The following TIAM1 variants were observed in gnomAD, a reference collection of about 807,000 sequenced individuals.
TIAM1 encodes the protein TIAM Rac1 associated GEF 1.
TIAM1 carries 65 observed loss-of-function variants against 163.5 expected under a neutral mutation model. The ratio of observed to expected loss-of-function variants is 0.40; its 90% CI spans 0.33 to 0.49. TIAM1 has a LOEUF of 0.49. Among genes scored for constraint, TIAM1 ranks in the 20% least tolerant of loss-of-function variants. The probability of loss-of-function intolerance (pLI) is 0.77; values close to 1 mark genes in which losing one functional copy is unlikely to be tolerated. For missense variants in TIAM1, 1,789 were observed against 2,044.7 expected, an observed-to-expected ratio of 0.87 and a Z score of 2.41; for synonymous variants, 833 against 810.1, an observed-to-expected ratio of 1.03 and a Z score of -0.48.
chr21:31,408,161 T>A (rs941112516), intron 2 of TIAM1, among the ~76,000 whole-genome samples: 1 of 152,244 alleles, frequency 6.6e-6, no homozygotes, highest in Non-Finnish European at 1.5e-5. Context: ...ATTCAGGGTA[T>A]TCTTGAAGCA....
chr21:31,187,288 T>C (rs757571174), intron 13 of TIAM1, among the ~76,000 whole-genome samples: 2 of 152,258 alleles, frequency 1.3e-5, no homozygotes, highest in African/African-American at 2.4e-5. Context: ...TAAAGATTAC[T>C]ATGTACGTCT....
At chr21:31,506,933 A>C (rs1349971863) in intron 1 of TIAM1, among the ~76,000 whole-genome samples, 1 of 151,952 alleles carries the variant, frequency 6.6e-6, no homozygotes, top group Non-Finnish European at 1.5e-5. Flanking sequence ...ACAAACAAAA[A>C]ACTCCCTTCT....
chr21:31,341,471 G>A (rs2076012654), intron 1 of TIAM1, among the ~76,000 whole-genome samples: 1 of 152,172 alleles, frequency 6.6e-6, no homozygotes, highest in Admixed American at 6.5e-5. Context: ...AGTCATTACA[G>A]CAAATTTGTT....
Position 31,129,659 on chromosome 21 carries a change from C to T in TIAM1, c.4045+554G>A, listed in dbSNP as rs545441571. 2.6e-5 allele frequency among the ~76,000 whole-genome samples: 4 copies of T among 152,240 alleles called. No individual in the cohort carries two copies. The South Asian group carries it at 8.3e-4, about 32-fold the overall frequency. On this transcript the variant is annotated intron_variant, in intron 25 of 27. Transcript: ENST00000541036. ...CTCCAGCCTGAGCAATGGAATGAGA[C>T]CCCATCTTTAAAAAAATTAAAATCA...
intron 2 of TIAM1, among the ~76,000 whole-genome samples, chr21:31,312,129 G>A (rs1017504868): frequency 1.3e-5 from 2 of 152,198 alleles, no homozygotes; most frequent in Non-Finnish European, 2.9e-5. Flanking sequence ...TTGGGGACTC[G>A]AACTGGCTTC....
At chr21:31,319,735 G>A (rs1313172809) in intron 2 of TIAM1, among the ~76,000 whole-genome samples, 2 of 139,858 alleles carry the variant, frequency 1.4e-5, no homozygotes, top group South Asian at 2.3e-4. Flanking sequence ...AGCCGAGATC[G>A]CACCACCACA....
intron 19 of TIAM1, among the ~76,000 whole-genome samples, chr21:31,150,290 CA>C (rs1034063894): frequency 6.6e-6 from 1 of 152,054 alleles, no homozygotes; most frequent in African/African-American, 2.4e-5. Context: ...AACACATACA[CA>C]AAAAAACATA....
chr21:31,189,294 AT>A (rs2085448716), intron 13 of TIAM1, among the ~76,000 whole-genome samples: 1 of 151,800 alleles, frequency 6.6e-6, no homozygotes, highest in Non-Finnish European at 1.5e-5. Context: ...ACTTCAAGTG[AT>A]CCACCTGCCT....
At chr21:31,524,778 GT>G (rs1250627303) in intron 1 of TIAM1, among the ~76,000 whole-genome samples, 1 of 152,174 alleles carries the variant, frequency 6.6e-6, no homozygotes, top group Non-Finnish European at 1.5e-5. Flanking sequence ...ATAGCATTTA[GT>G]GTGTGCCTTG....
In TIAM1 at chr21:31,395,055, C is replaced by T. The variant is rs1188966668; in HGVS notation, c.-368-55633G>A. Among the ~76,000 whole-genome samples the T allele has an allele frequency of 6.6e-6, 1 of 151,978 alleles. No individual in the cohort carries two copies. The highest frequency in any genetic ancestry group is 1.5e-5 in the Non-Finnish European group (1 of 67,994). ...AAGTTCAAGACCAGCCTGGCCAACA[C>T]AGTGAAACCCCGTATCTACCAAAAA... On this transcript the variant is annotated intron_variant, in intron 2 of 28. Transcript: ENST00000286827. The surrounding 1 kb of genome is among the most constrained non-coding windows in gnomAD (Gnocchi z 7.5).
intron 2 of TIAM1, among the ~76,000 whole-genome samples, chr21:31,285,249 G>C (rs1328712055): frequency 1.3e-5 from 2 of 152,164 alleles, no homozygotes; most frequent in Non-Finnish European, 2.9e-5. Flanking sequence ...GGCCACTCTG[G>C]AATCAGGGAA....
chr21:31,555,600 C>T (rs774633726), intron 1 of TIAM1, among the ~76,000 whole-genome samples: 17 of 152,068 alleles, frequency 1.1e-4, no homozygotes, highest in Non-Finnish European at 1.9e-4. Context: ...TGGCTTCTCA[C>T]TCCCACTCCT....
chr21:31,447,354 T>C (rs2044665198), intron 2 of TIAM1, among the ~76,000 whole-genome samples: 1 of 152,068 alleles, frequency 6.6e-6, no homozygotes, highest in South Asian at 2.1e-4. Context: ...GAAGACTGCT[T>C]GAGCATAGGA....
intron 8 of TIAM1, among the ~76,000 whole-genome samples, chr21:31,218,855 A>G (rs1042582802): frequency 1.3e-5 from 2 of 152,076 alleles, no homozygotes; most frequent in African/African-American, 4.8e-5. Flanking sequence ...GCAGAATAAC[A>G]AGACAAAAGG....
In TIAM1 at chr21:31,200,461, C is replaced by T. The variant is rs190541551; in HGVS notation, c.2493+2447G>A. On this transcript the variant is annotated intron_variant, in intron 12 of 27. Coordinates refer to ENST00000541036, the MANE Select transcript of TIAM1 (RefSeq NM_001353694.2). ...AGTAGCAGTGCCTGTGACTCCGTCA[C>T]GAATGGAAATCACAGTTATTTTCAT... Among the ~76,000 whole-genome samples, 24 of 152,316 alleles carry T rather than the reference C, an allele frequency of 1.6e-4. 1 individual carries two copies. Among genetic ancestry groups the T allele is most frequent in the Admixed American group, 1.5e-3 (23 of 15,298 alleles).
intron 2 of TIAM1, among the ~76,000 whole-genome samples, chr21:31,320,391 T>C (rs1015959939): frequency 5.3e-5 from 8 of 152,200 alleles, no homozygotes; most frequent in South Asian, 2.1e-4. Flanking sequence ...ATGGTAATGG[T>C]TGTGCAATTG....
At position 31,396,943 on chromosome 21, in the gene TIAM1, C is replaced by T. The variant is rs143274599; in HGVS notation, c.-368-57521G>A. ...CAGCCTGGGCGACAGAGTGAGACTC[C>T]GTCACACACACAAAAAAAATTTAAA... On this transcript the variant is annotated intron_variant, in intron 2 of 28. Transcript: ENST00000286827. 1.1e-3 allele frequency among the ~76,000 whole-genome samples: 171 copies of T among 151,890 alleles called. 1 individual carries two copies. Among genetic ancestry groups the T allele is most frequent in the South Asian group, 5.0e-3 (24 of 4,800 alleles).
chr21:31,558,322 C>T (rs901880853), intron 1 of TIAM1, among the ~76,000 whole-genome samples: 2 of 152,032 alleles, frequency 1.3e-5, no homozygotes, highest in South Asian at 2.1e-4. Context: ...GCTTTTAATG[C>T]CCCCCTCCGG....
chr21:31,481,023 G>A (rs2046093720), intron 1 of TIAM1, among the ~76,000 whole-genome samples: 1 of 152,174 alleles, frequency 6.6e-6, no homozygotes, highest in Admixed American at 6.5e-5. Flanking sequence ...CCAAAGTGCT[G>A]GGATTACAGG....
Sources: allele counts gnomAD v4.1 joint callset (sites outside exome capture counted in the v4.1 genomes callset), GRCh38; gene constraint gnomAD v4.1.1; non-coding constraint Gnocchi (gnomAD v3.1); transcripts MANE v1.5; gene names NCBI Gene and HGNC (gene_info 2026-07-23, HGNC 2026-07-21).